LAPTM5: variants seen among roughly 807,000 people sequenced by gnomAD.
LAPTM5 encodes lysosomal protein transmembrane 5.
A neutral mutation model predicts 30.1 loss-of-function variants in LAPTM5; 11 were observed. The ratio of observed to expected loss-of-function variants is 0.37; its 90% CI spans 0.23 to 0.60. LAPTM5 has a LOEUF of 0.60. LAPTM5 is among the 20% of genes least tolerant of loss of function. LAPTM5 has a pLI of 0.71. For missense variants in LAPTM5, 324 were observed against 332.5 expected (o/e 0.97, Z 0.20); for synonymous variants, 151 against 137.9 (o/e 1.10, Z -0.67).
In LAPTM5 at chr1:30,742,497, T is replaced by C; in HGVS notation, c.140A>G (p.Lys47Arg). The C allele has an allele frequency of 6.2e-7, 1 of 1,613,830 alleles. No homozygotes were observed. Among genetic ancestry groups the C allele is most frequent in the Non-Finnish European group, 8.5e-7 (1 of 1,179,960 alleles). The change falls in exon 2 of 8, where the codon AAG becomes AGG. Residue 47 changes from lysine to arginine, a missense_variant. Transcript: ENST00000294507. The stretch of plus-strand genomic sequence containing the variant: ...CATCTGGGAGAGCTTGCAGGACGCC[T>C]TGCCATGGGCCACCTCTACTGAGTG... ...IEHSVEVAHG[K>R]ASCKLSQMGY... is the part of the protein sequence containing the mutation.
chr1:30,750,004 ACTCGGACGG>A (rs1640109282), intron 1 of LAPTM5, among the ~76,000 whole-genome samples: 1 of 152,134 alleles, frequency 6.6e-6, no homozygotes, highest in Admixed American at 6.5e-5. Flanking sequence ...GAGAACCTAG[ACTCGGACGG>A]CTCAGATGGC....
At chr1:30,750,349 T>C (rs924092192) in intron 1 of LAPTM5, among the ~76,000 whole-genome samples, 1 of 152,220 alleles carries the variant, frequency 6.6e-6, no homozygotes, top group Non-Finnish European at 1.5e-5. Context: ...GATACTATTA[T>C]TGTTGTGCAT....
intron 1 of LAPTM5, among the ~76,000 whole-genome samples, chr1:30,748,880 G>T (rs1211709197): frequency 6.6e-6 from 1 of 152,236 alleles, no homozygotes; most frequent in Non-Finnish European, 1.5e-5. Context: ...TGGGATCCTG[G>T]CCTGGCCATG....
chr1:30,745,116 A>G (rs923933549), intron 1 of LAPTM5, among the ~76,000 whole-genome samples: 4 of 151,896 alleles, frequency 2.6e-5, no homozygotes, highest in African/African-American at 9.7e-5. Flanking sequence ...AACCCCTCCA[A>G]TCACCCCAGG....
At chr1:30,752,167 A>T (rs2124199075) in intron 1 of LAPTM5, among the ~76,000 whole-genome samples, 1 of 152,302 alleles carries the variant, frequency 6.6e-6, no homozygotes, top group East Asian at 1.9e-4. Flanking sequence ...GAAGGAACTC[A>T]TTTGCCCACT....
In LAPTM5 at chr1:30,746,860, G is replaced by A. The variant is rs113728727; in HGVS notation, c.88-4311C>T. The stretch of plus-strand genomic sequence containing the variant: ...GGTCAAATGGAATCGTGTGGTGCGC[G>A]GAGCCGGGCACACAGCAGGTGCACC... On this transcript the variant is annotated intron_variant, in intron 1 of 7. Transcript: ENST00000294507. The surrounding 1 kb of genome is among the most constrained non-coding windows in gnomAD (Gnocchi z 4.0). Among the ~76,000 whole-genome samples, 10 of 152,328 alleles carry A rather than the reference G, an allele frequency of 6.6e-5. No individual in the cohort carries two copies. Among genetic ancestry groups the A allele is most frequent in the African/African-American group, 2.2e-4 (9 of 41,568 alleles).
chr1:30,750,296 T>A (rs563510879), intron 1 of LAPTM5, among the ~76,000 whole-genome samples: 1 of 152,324 alleles, frequency 6.6e-6, no homozygotes, highest in South Asian at 2.1e-4. Context: ...CACTTCTCCC[T>A]TTATCTTCAG....
chr1:30,757,573 G>T, intron 1 of LAPTM5, 86 bp downstream of exon 1: 2 of 1,376,916 alleles, frequency 1.5e-6, no homozygotes, highest in Non-Finnish European at 2.0e-6. Context: ...TCTTTCATTT[G>T]TGGGGCTCCG....
chr1:30,743,120 G>A (rs539887025), intron 1 of LAPTM5, among the ~76,000 whole-genome samples: 4 of 152,278 alleles, frequency 2.6e-5, no homozygotes, highest in South Asian at 4.1e-4. Flanking sequence ...GCCCCTCAGG[G>A]AACAATAACA....
chr1:30,753,360 G>A (rs997652988), intron 1 of LAPTM5, among the ~76,000 whole-genome samples: 3 of 152,074 alleles, frequency 2.0e-5, no homozygotes, highest in Admixed American at 1.3e-4. Flanking sequence ...AAAACATACA[G>A]CATGGAAAGG....
intron 1 of LAPTM5, among the ~76,000 whole-genome samples, chr1:30,743,656 C>G (rs540016063): frequency 6.6e-6 from 1 of 152,254 alleles, no homozygotes; most frequent in South Asian, 2.1e-4. Flanking sequence ...TGTCCCCTCC[C>G]CTCTAGTCGG....
chr1:30,744,764 A>T (rs147844704), intron 1 of LAPTM5, among the ~76,000 whole-genome samples: 1 of 151,980 alleles, frequency 6.6e-6, no homozygotes, highest in Non-Finnish European at 1.5e-5. Context: ...TGACCCCCAA[A>T]ATGCCTCAGA....
chr1:30,756,276 G>A (rs144122342), intron 1 of LAPTM5, among the ~76,000 whole-genome samples: 70 of 152,288 alleles, frequency 4.6e-4, no homozygotes, highest in African/African-American at 1.5e-3. Context: ...GCAGGAGCTC[G>A]GAAGGACAAC....
intron 1 of LAPTM5, among the ~76,000 whole-genome samples, chr1:30,750,537 A>G (rs1311116791): frequency 1.3e-5 from 2 of 152,192 alleles, no homozygotes; most frequent in Non-Finnish European, 2.9e-5. Context: ...AGGTTCTAAC[A>G]TGAGTCCCAT....
Position 30,757,735 on chromosome 1 carries a change from C to T in LAPTM5, c.11G>A (p.Arg4His), listed in dbSNP as rs146490774. MDP[R>H]LSTVRQTCCC... Reference sequence around the variant, plus strand: ...GCAGGTCTGGCGGACAGTGGACAAGCGGGGGTCCATGGTGCTGCCGTCCCC... The same window carrying T: ...GCAGGTCTGGCGGACAGTGGACAAGTGGGGGTCCATGGTGCTGCCGTCCCC... Residue 4 changes from arginine to histidine, a missense_variant, in exon 1 of 8, where the codon CGC becomes CAC. Transcript: ENST00000294507. 2.0e-5 allele frequency: 33 copies of T among 1,613,606 alleles called. No homozygotes were observed. In the African/African-American group the frequency reaches 3.5e-4, roughly 17 times the overall value.
chr1:30,757,213 G>T (rs546918319), intron 1 of LAPTM5, among the ~76,000 whole-genome samples: 25 of 152,318 alleles, frequency 1.6e-4, no homozygotes, highest in African/African-American at 6.0e-4. Context: ...GGCCCCAGGG[G>T]AAGAATCGGG....
chr1:30,757,762 C>G lies in LAPTM5; in HGVS notation c.-17G>C. On this transcript the variant is annotated 5_prime_UTR_variant, in exon 1 of 8. Transcript: ENST00000294507. ...GGGGTCCATGGTGCTGCCGTCCCCT[C>G]CTCTGAGACACTGAAGGGGAAAGAG... is the stretch of plus-strand genomic sequence containing the variant. The G allele has an allele frequency of 6.2e-7, 1 of 1,610,578 alleles. No homozygotes were observed. The highest frequency in any genetic ancestry group is 8.5e-7 in the Non-Finnish European group (1 of 1,178,140).
chr1:30,754,368 C>CA (rs915008274), intron 1 of LAPTM5, among the ~76,000 whole-genome samples: 39 of 150,626 alleles, frequency 2.6e-4, no homozygotes, highest in African/African-American at 5.6e-4. Context: ...CCTGTCTCTA[C>CA]AAAAAAAAAT....
rs1005582469 is a variant in LAPTM5 at position 30,739,159 on chromosome 1, T to C, written c.388-97A>G. On this transcript the variant is annotated intron_variant, in intron 4 of 7. Transcript: ENST00000294507. This position sits in a 1 kb window ranked among gnomAD's most constrained non-coding sequence, Gnocchi z 4.2. ...GTAGGCCCTCACTTGAGAGACCGTC[T>C]CAGCTACAGACATCAGTGACTCTCG... 1 of 1,441,166 alleles carries C rather than the reference T, an allele frequency of 6.9e-7. No homozygotes were observed. The highest frequency in any genetic ancestry group is 9.4e-7 in the Non-Finnish European group (1 of 1,064,700). The allele number at this position is 1,441,166 out of a possible 1,614,324, so 89.3% of individuals were successfully genotyped here. A position where few individuals can be genotyped will look rare whatever the true frequency, so the allele number is the denominator to read the frequency against.
Sources: allele counts gnomAD v4.1 joint callset (sites outside exome capture counted in the v4.1 genomes callset), GRCh38; gene constraint gnomAD v4.1.1; non-coding constraint Gnocchi (gnomAD v3.1); transcripts MANE v1.5; gene names NCBI Gene and HGNC (gene_info 2026-07-23, HGNC 2026-07-21).